The following COL8A1 variants were observed in gnomAD, a reference collection of about 807,000 sequenced individuals.
The protein encoded by COL8A1 is collagen alpha-1(VIII) chain.
COL8A1 carries 21 observed loss-of-function variants against 42.7 expected under a neutral mutation model. The ratio of observed to expected loss-of-function variants is 0.49; its 90% confidence interval spans 0.35 to 0.71. The LOEUF (loss-of-function observed/expected upper bound fraction) is 0.71, where lower values mean the gene tolerates loss of function less well. Among genes scored for constraint, COL8A1 ranks in the 30% least tolerant of loss-of-function variants. The probability of loss-of-function intolerance (pLI) is 0.01; values close to 1 mark genes in which losing one functional copy is unlikely to be tolerated. For missense variants in COL8A1, 788 were observed against 962.4 expected (o/e 0.82, Z 2.40); for synonymous variants, 367 against 369.1 (o/e 0.99, Z 0.06).
At chr3:99,642,981 A>T (rs1937534443) in intron 1 of COL8A1, among the ~76,000 whole-genome samples, 1 of 152,240 alleles carries the variant, frequency 6.6e-6, no homozygotes, top group Non-Finnish European at 1.5e-5. Flanking sequence ...AAATTAAAAA[A>T]ACTTTAGAGA....
intron 1 of COL8A1, among the ~76,000 whole-genome samples, chr3:99,708,827 A>C (rs1466833162): frequency 6.6e-6 from 1 of 152,116 alleles, no homozygotes; most frequent in Non-Finnish European, 1.5e-5. Context: ...CTGAGGGTGA[A>C]ATTAGACCCG....
intron 1 of COL8A1, among the ~76,000 whole-genome samples, chr3:99,732,618 C>A (rs951704602): frequency 6.6e-6 from 1 of 152,050 alleles, no homozygotes; most frequent in Non-Finnish European, 1.5e-5. Flanking sequence ...ATGGGGATTA[C>A]GGGAACTATA....
intron 1 of COL8A1, chr3:99,680,589 T>G (rs1938843547): frequency 6.6e-6 from 1 of 152,198 alleles, no homozygotes; most frequent in Non-Finnish European, 1.5e-5. Context: ...CCACAATGGT[T>G]GAGCTAGTTT....
intron 1 of COL8A1, among the ~76,000 whole-genome samples, chr3:99,706,687 A>T (rs1353483301): frequency 6.6e-6 from 1 of 152,236 alleles, no homozygotes; most frequent in Non-Finnish European, 1.5e-5. Context: ...AATGACATCA[A>T]TTCAGTCATC....
intron 1 of COL8A1, among the ~76,000 whole-genome samples, chr3:99,726,637 C>G (rs1214869947): frequency 6.6e-6 from 1 of 152,098 alleles, no homozygotes; most frequent in Non-Finnish European, 1.5e-5. Flanking sequence ...TATGGCTATC[C>G]AGTTTTCCCA....
intron 1 of COL8A1, among the ~76,000 whole-genome samples, chr3:99,690,339 T>G (rs1434108579): frequency 6.6e-6 from 1 of 152,252 alleles, no homozygotes; most frequent in African/African-American, 2.4e-5. Context: ...AAAACATTTT[T>G]TTCTCTAAGA....
chr3:99,664,173 A>G (rs537960997), intron 1 of COL8A1, among the ~76,000 whole-genome samples: 41 of 152,190 alleles, frequency 2.7e-4, no homozygotes, highest in Non-Finnish European at 5.3e-4. Context: ...GTTGTTCACT[A>G]TTGGTCTTCC....
intron 1 of COL8A1, among the ~76,000 whole-genome samples, chr3:99,682,266 A>T (rs1938905928): frequency 6.6e-6 from 1 of 151,970 alleles, no homozygotes; most frequent in Admixed American, 6.6e-5. Context: ...AAACAAAAAG[A>T]ATTAGCTGGG....
chr3:99,741,690 A>AGT (rs1385772403), intron 1 of COL8A1, among the ~76,000 whole-genome samples: 1 of 152,216 alleles, frequency 6.6e-6, no homozygotes, highest in African/African-American at 2.4e-5. Flanking sequence ...TCTCCTGCGT[A>AGT]GTGGTCTCTA....
At chr3:99,691,429 T>A (rs1462271728) in intron 1 of COL8A1, 1 of 152,090 alleles carries the variant, frequency 6.6e-6, no homozygotes, top group Non-Finnish European at 1.5e-5. Context: ...ATGAGAAAGT[T>A]GGGGAAGAAG....
chr3:99,774,164 A>T (rs528049884), intron 2 of COL8A1, among the ~76,000 whole-genome samples: 17 of 151,306 alleles, frequency 1.1e-4, no homozygotes, highest in Admixed American at 8.0e-4. Flanking sequence ...TATATTTTTT[A>T]AAAAAGAATT....
At chr3:99,733,421 A>G (rs1315347963) in intron 1 of COL8A1, among the ~76,000 whole-genome samples, 1 of 138,458 alleles carries the variant, frequency 7.2e-6, no homozygotes, top group Non-Finnish European at 1.6e-5. Context: ...TTCTTGCGAT[A>G]GTTTACTGAG....
chr3:99,737,412 G>T (rs1454536104), intron 1 of COL8A1, among the ~76,000 whole-genome samples: 2 of 151,892 alleles, frequency 1.3e-5, no homozygotes, highest in Non-Finnish European at 2.9e-5. Flanking sequence ...AGCTCTTTTA[G>T]GGCAGGCCTG....
At chr3:99,778,059 A>C (rs1941727043) in intron 2 of COL8A1, among the ~76,000 whole-genome samples, 1 of 152,204 alleles carries the variant, frequency 6.6e-6, no homozygotes, top group Non-Finnish European at 1.5e-5. Context: ...TCACAGAGAA[A>C]AGAATTGTGG....
Position 99,794,316 on chromosome 3 carries a change from G to A in COL8A1, c.415G>A (p.Gly139Ser). Residue 139 changes from glycine (G) to serine (S), a missense_variant, in exon 4 of 4, where the codon GGT becomes AGT. Physicochemically the swap from Gly to Ser is moderately conservative, Grantham distance 56. Around this residue, in one of 4 missense-constraint regions of COL8A1, gnomAD observed 421 missense variants for 553.1 expected, o/e 0.76. Coordinates refer to ENST00000652472, the MANE Select transcript of COL8A1 (RefSeq NM_020351.4). This position sits in a 1 kb window ranked among gnomAD's most constrained non-coding sequence, Gnocchi z 4.3. ...ACCACCTGGGCCCCCTGGTTTGCCA[G>A]GTCATGGGATACCTGGAATTAAAGG... ...RGPPGPPGLP[G>S]HGIPGIKGKP... 6.2e-7 allele frequency: 1 copy of A among 1,613,818 alleles called. No homozygotes were observed. Among genetic ancestry groups the A allele is most frequent in the East Asian group, 2.2e-5 (1 of 44,844 alleles).
intron 1 of COL8A1, among the ~76,000 whole-genome samples, chr3:99,741,394 G>T (rs2107401729): frequency 6.6e-6 from 1 of 152,134 alleles, no homozygotes; most frequent in East Asian, 1.9e-4. Context: ...ACTTTCTGTT[G>T]TAAAAATATA....
chr3:99,698,612 G>A (rs765298394), intron 1 of COL8A1, among the ~76,000 whole-genome samples: 24 of 152,100 alleles, frequency 1.6e-4, no homozygotes, highest in Non-Finnish European at 3.1e-4. Context: ...TGTTCTAGTT[G>A]GAGAGAGAAA....
At chr3:99,749,751 GCTTTCCTCCATTATACTCA>G (rs1559626513) in intron 2 of COL8A1, among the ~76,000 whole-genome samples, 2 of 152,054 alleles carry the variant, frequency 1.3e-5, no homozygotes, top group African/African-American at 4.8e-5. Context: ...TCAGAGGTTT[GCTTTCCTCCATTATACTCA>G]CTTGGAAGAA....
intron 1 of COL8A1, among the ~76,000 whole-genome samples, chr3:99,695,307 T>C (rs1302951074): frequency 1.3e-5 from 2 of 152,050 alleles, no homozygotes; most frequent in Non-Finnish European, 2.9e-5. Context: ...TAGAAGAAAA[T>C]GGTAAATTTA....
Sources: allele counts gnomAD v4.1 joint callset (sites outside exome capture counted in the v4.1 genomes callset), GRCh38; gene constraint gnomAD v4.1.1; regional missense constraint gnomAD v4.1.1; non-coding constraint Gnocchi (gnomAD v3.1); transcripts MANE v1.5; gene names NCBI Gene and HGNC (gene_info 2026-07-23, HGNC 2026-07-21).